PTPRD: variants seen among roughly 807,000 people sequenced by gnomAD.
PTPRD encodes protein tyrosine phosphatase receptor type D.
PTPRD carries 34 observed loss-of-function variants against 214.5 expected under a neutral mutation model. That is an observed-to-expected ratio of 0.16 (90% CI 0.12 to 0.21). PTPRD has a LOEUF of 0.21. Ranked by LOEUF, PTPRD falls within the 10% of genes least tolerant of loss-of-function variation. The pLI, the probability that PTPRD is intolerant of heterozygous loss-of-function variation, is 1.00. For synonymous variants in PTPRD, 1,128 were observed against 845.7 expected, an observed-to-expected ratio of 1.33 and a Z score of -5.79; for missense variants, 2,545 against 2,398.7, an observed-to-expected ratio of 1.06 and a Z score of -1.27.
At chr9:10,413,533 C>T (rs572674831) in intron 2 of PTPRD, among the ~76,000 whole-genome samples, 1 of 152,036 alleles carries the variant, frequency 6.6e-6, no homozygotes, top group South Asian at 2.1e-4. Flanking sequence ...GCCATACTGC[C>T]CAAAGCAATT....
intron 12 of PTPRD, chr9:8,700,641 C>A (rs2098057013): frequency 2.0e-5 from 3 of 152,122 alleles, no homozygotes; most frequent in Admixed American, 6.5e-5. Flanking sequence ...AGAAAAAAAT[C>A]TTTTCATGGA....
At chr9:9,485,912 G>A (rs2095609505) in intron 8 of PTPRD, among the ~76,000 whole-genome samples, 1 of 151,852 alleles carries the variant, frequency 6.6e-6, no homozygotes, top group East Asian at 1.9e-4. Context: ...CAGCACTTTG[G>A]GAGGCCAAGG....
chr9:8,516,630 C>A (rs1248583790), intron 21 of PTPRD, among the ~76,000 whole-genome samples: 1 of 151,774 alleles, frequency 6.6e-6, no homozygotes, highest in African/African-American at 2.4e-5. Context: ...CCAGGATTAG[C>A]AATGAGTTAT....
At chr9:9,744,511 T>C (rs2098438838) in intron 6 of PTPRD, among the ~76,000 whole-genome samples, 1 of 152,116 alleles carries the variant, frequency 6.6e-6, no homozygotes, top group Admixed American at 6.6e-5. Flanking sequence ...CTCTAATTTA[T>C]ATTTGCATAA....
At chr9:10,249,491 A>C (rs2092571512) in intron 3 of PTPRD, among the ~76,000 whole-genome samples, 1 of 152,206 alleles carries the variant, frequency 6.6e-6, no homozygotes, top group South Asian at 2.1e-4. Context: ...ACCATTAGGC[A>C]AAAGCACACT....
chr9:10,569,331 A>G (rs1471905125), intron 2 of PTPRD, among the ~76,000 whole-genome samples: 1 of 152,164 alleles, frequency 6.6e-6, no homozygotes, highest in African/African-American at 2.4e-5. Flanking sequence ...TCACAGCCAA[A>G]GTAGTGCTCA....
At chr9:9,317,548 A>G (rs1963943490) in intron 9 of PTPRD, among the ~76,000 whole-genome samples, 1 of 151,868 alleles carries the variant, frequency 6.6e-6, no homozygotes, top group African/African-American at 2.4e-5. Flanking sequence ...AGTCATTGCT[A>G]TTGCGTCTAT....
At chr9:10,387,818 GTC>G (rs2097951888) in intron 2 of PTPRD, among the ~76,000 whole-genome samples, 1 of 80,600 alleles carries the variant, frequency 1.2e-5, no homozygotes, top group Admixed American at 1.4e-4. Context: ...AAAAGATTTT[GTC>G]TTTTTTTTTT....
intron 10 of PTPRD, among the ~76,000 whole-genome samples, chr9:9,104,480 T>G (rs113765085): frequency 7.8e-4 from 118 of 152,242 alleles, no homozygotes; most frequent in African/African-American, 2.7e-3. Context: ...CCTACTCAGG[T>G]AGGTGTTTTA....
chr9:9,096,864 C>T (rs2099784297), intron 10 of PTPRD, among the ~76,000 whole-genome samples: 1 of 152,224 alleles, frequency 6.6e-6, no homozygotes, highest in Non-Finnish European at 1.5e-5. Context: ...GATGCCTTCA[C>T]TGTAAGATGA....
chr9:8,414,937 GA>G (rs2093808462), intron 35 of PTPRD, among the ~76,000 whole-genome samples: 1 of 85,916 alleles, frequency 1.2e-5, no homozygotes, highest in African/African-American at 4.6e-5. Context: ...GGGGGAGAGA[GA>G]GAGAGAGAGA....
At chr9:10,225,272 C>G (rs1282496081) in intron 3 of PTPRD, among the ~76,000 whole-genome samples, 3 of 151,790 alleles carry the variant, frequency 2.0e-5, no homozygotes, top group African/African-American at 7.3e-5. Context: ...TTACTATAAT[C>G]ACAAATGTTA....
intron 3 of PTPRD, among the ~76,000 whole-genome samples, chr9:10,047,879 C>A (rs1287619516): frequency 2.6e-5 from 4 of 152,202 alleles, no homozygotes; most frequent in South Asian, 2.1e-4. Context: ...AGGTAAAAAG[C>A]CTAGCACAGA....
chr9:10,497,388 G>A (rs1029609912), intron 2 of PTPRD, among the ~76,000 whole-genome samples: 4 of 151,714 alleles, frequency 2.6e-5, no homozygotes, highest in Admixed American at 6.6e-5. Context: ...CATAAATCAA[G>A]GGCATGCCTG....
chr9:9,388,968 G>A (rs1026123964), intron 9 of PTPRD, among the ~76,000 whole-genome samples: 1 of 152,064 alleles, frequency 6.6e-6, no homozygotes, highest in Non-Finnish European at 1.5e-5. Flanking sequence ...ATCAGTGTGG[G>A]AGAAAAAATA....
intron 11 of PTPRD, among the ~76,000 whole-genome samples, chr9:8,955,769 C>A (rs1487438404): frequency 1.3e-5 from 2 of 151,536 alleles, no homozygotes; most frequent in Non-Finnish European, 2.9e-5. Flanking sequence ...AAGTCTTTCA[C>A]ACACATCTAA....
At chr9:8,806,865 T>C (rs1405026708) in intron 11 of PTPRD, among the ~76,000 whole-genome samples, 7 of 152,194 alleles carry the variant, frequency 4.6e-5, no homozygotes, top group Admixed American at 4.6e-4. Context: ...TTTACTATAA[T>C]GGTGCCAGAA....
chr9:10,162,361 G>A (rs1334769703), intron 3 of PTPRD, among the ~76,000 whole-genome samples: 1 of 151,298 alleles, frequency 6.6e-6, no homozygotes, highest in Non-Finnish European at 1.5e-5. Context: ...ATAATATTCA[G>A]CCATAAAAAG....
chr9:9,202,754 G>T (rs9987697), intron 9 of PTPRD, among the ~76,000 whole-genome samples: 17,017 of 152,236 alleles, frequency 0.11, 1,193 homozygotes, highest in Non-Finnish European at 0.15. Context: ...TGCTCAGTTA[G>T]CACTGAACAC....
Sources: allele counts gnomAD v4.1 joint callset (sites outside exome capture counted in the v4.1 genomes callset), GRCh38; gene constraint gnomAD v4.1.1; transcripts MANE v1.5; gene names NCBI Gene and HGNC (gene_info 2026-07-23, HGNC 2026-07-21).